ZFHX3: variants seen among roughly 807,000 people sequenced by gnomAD.
The protein encoded by ZFHX3 is zinc finger homeobox protein 3.
Under a neutral mutation model 279.1 loss-of-function variants are expected in ZFHX3, and 42 were observed. The observed-to-expected ratio is 0.15, with a 90% CI of 0.12 to 0.19. The LOEUF (loss-of-function observed/expected upper bound fraction) is 0.19, where lower values mean the gene tolerates loss of function less well. Ranked by LOEUF, ZFHX3 falls within the 10% of genes least tolerant of loss-of-function variation. The probability of loss-of-function intolerance (pLI) is 1.00; values close to 1 mark genes in which losing one functional copy is unlikely to be tolerated. For missense variants in ZFHX3, 4,981 were observed against 4,754.0 expected (o/e 1.05, Z -1.40); for synonymous variants, 2,293 against 1,957.8 (o/e 1.17, Z -4.52).
chr16:72,984,949 A>G (rs1296196196), intron 1 of ZFHX3, among the ~76,000 whole-genome samples: 2 of 152,196 alleles, frequency 1.3e-5, no homozygotes, highest in Non-Finnish European at 2.9e-5. Context: ...ACATATACAC[A>G]TACATCTCTC....
intron 1 of ZFHX3, among the ~76,000 whole-genome samples, chr16:73,788,034 C>G (rs557329786): frequency 6.6e-6 from 1 of 152,186 alleles, no homozygotes; most frequent in South Asian, 2.1e-4. Flanking sequence ...CCAGAAGGAA[C>G]AGTGGAGCAC....
At chr16:73,851,042 T>C (rs1961582821) in intron 1 of ZFHX3, among the ~76,000 whole-genome samples, 1 of 152,228 alleles carries the variant, frequency 6.6e-6, no homozygotes, top group Admixed American at 6.5e-5. Flanking sequence ...TTAAAATATA[T>C]TGTGATTAAG....
chr16:73,535,521 G>A (rs1156286894), intron 2 of ZFHX3, among the ~76,000 whole-genome samples: 1 of 152,160 alleles, frequency 6.6e-6, no homozygotes, highest in Non-Finnish European at 1.5e-5. Flanking sequence ...GGAGTATGAA[G>A]TTGGGAACTG....
intron 1 of ZFHX3, 100 bp from the exon 2 acceptor site, chr16:72,960,294 C>T (rs913175320): frequency 2.5e-5 from 24 of 963,608 alleles, no homozygotes; most frequent in East Asian, 5.4e-5. Context: ...CCGCACGGAG[C>T]GCTCTAAGAG....
In ZFHX3 at chr16:73,457,287, G is replaced by C. The variant is rs190135926; in HGVS notation, c.-1546-1029C>G. 1.1e-4 allele frequency among the ~76,000 whole-genome samples: 16 copies of C among 152,290 alleles called. No individual in the cohort carries two copies. The East Asian group carries it at 3.1e-3, about 29-fold the overall frequency. ...AGGCCCCCATGAAAGAGAAAATGCT[G>C]GCATCAGGAATGGAGACCATGAGGT... On this transcript the variant is annotated intron_variant, in intron 2 of 17. Transcript: ENST00000641206.
chr16:73,255,256 A>C (rs2013631565), intron 5 of ZFHX3, among the ~76,000 whole-genome samples: 1 of 152,244 alleles, frequency 6.6e-6, no homozygotes, highest in African/African-American at 2.4e-5. Flanking sequence ...AATGATAACA[A>C]GCCAGTGAAC....
intron 5 of ZFHX3, among the ~76,000 whole-genome samples, chr16:72,818,928 T>A (rs1217128264): frequency 6.6e-6 from 1 of 152,260 alleles, no homozygotes; most frequent in Non-Finnish European, 1.5e-5. Flanking sequence ...GAAAATTTGA[T>A]TTATACTACA....
intron 1 of ZFHX3, among the ~76,000 whole-genome samples, chr16:73,766,947 TTTTTC>T (rs1212753015): frequency 7.7e-4 from 103 of 133,490 alleles, no homozygotes; most frequent in African/African-American, 2.9e-3. Context: ...TTTTTTTTTT[TTTTTC>T]CGAGATGGAG....
intron 7 of ZFHX3, among the ~76,000 whole-genome samples, chr16:73,122,657 A>G (rs1251928879): frequency 2.0e-5 from 3 of 152,100 alleles, no homozygotes; most frequent in Admixed American, 6.5e-5. Flanking sequence ...AGCCCTTCCT[A>G]GCATCCTGTT....
chr16:73,735,382 TAA>T (rs1310717929), intron 1 of ZFHX3, among the ~76,000 whole-genome samples: 1,028 of 102,228 alleles, frequency 0.01, 14 homozygotes, highest in African/African-American at 0.033. Context: ...TGTGTGCTTC[TAA>T]AAAAAAAAAA....
At chr16:73,366,081 AG>A (rs1363175848) in intron 3 of ZFHX3, among the ~76,000 whole-genome samples, 2 of 152,288 alleles carry the variant, frequency 1.3e-5, no homozygotes, top group South Asian at 2.1e-4. Context: ...GTTAGATGCA[AG>A]AACATTTAAA....
intron 1 of ZFHX3, among the ~76,000 whole-genome samples, chr16:72,991,087 C>A (rs1295478362): frequency 3.7e-5 from 1 of 26,720 alleles, no homozygotes; most frequent in African/African-American, 9.8e-5. Flanking sequence ...TATAGTATAG[C>A]AGTCCCTTAT....
chr16:73,850,179 C>T (rs540007300), intron 1 of ZFHX3, among the ~76,000 whole-genome samples: 140 of 152,276 alleles, frequency 9.2e-4, no homozygotes, highest in African/African-American at 3.1e-3. Context: ...AGAGGTAGAG[C>T]AACATACTTT....
intron 5 of ZFHX3, among the ~76,000 whole-genome samples, chr16:73,250,578 G>C (rs1394547843): frequency 6.6e-6 from 1 of 152,042 alleles, no homozygotes; most frequent in Admixed American, 6.6e-5. Flanking sequence ...CTGTCACCCA[G>C]GCTGGGGTGC....
intron 4 of ZFHX3, among the ~76,000 whole-genome samples, chr16:72,882,025 G>A (rs2038488041): frequency 1.3e-5 from 2 of 152,164 alleles, no homozygotes; most frequent in Admixed American, 6.5e-5. Context: ...CCATGTCACT[G>A]GGCTCTGATG....
chr16:73,875,003 C>A (rs1437009235), intron 1 of ZFHX3, among the ~76,000 whole-genome samples: 2 of 152,142 alleles, frequency 1.3e-5, no homozygotes, highest in Admixed American at 1.3e-4. Flanking sequence ...GGTGAAGTCT[C>A]AACTGCTAGT....
intron 1 of ZFHX3, among the ~76,000 whole-genome samples, chr16:73,020,360 C>T (rs1020183246): frequency 6.6e-6 from 1 of 151,970 alleles, no homozygotes; most frequent in African/African-American, 2.4e-5. Flanking sequence ...ATCACACTAT[C>T]AAAAAGTAAA....
intron 5 of ZFHX3, among the ~76,000 whole-genome samples, chr16:73,247,790 T>C (rs1567429610): frequency 1.3e-5 from 2 of 152,276 alleles, no homozygotes; most frequent in East Asian, 1.9e-4. Context: ...TGTGTCTGTG[T>C]ATATGTGTTT....
At chr16:73,330,006 G>A (rs1002079879) in intron 3 of ZFHX3, among the ~76,000 whole-genome samples, 1 of 152,170 alleles carries the variant, frequency 6.6e-6, no homozygotes, top group African/African-American at 2.4e-5. Context: ...GTCATGATTA[G>A]GGCTGGGCTG....
Sources: gnomAD v4.1 joint callset for allele counts (sites outside exome capture counted in the v4.1 genomes callset) on GRCh38, gnomAD v4.1.1 for gene constraint, MANE v1.5 for transcripts, NCBI Gene and HGNC (gene_info 2026-07-23, HGNC 2026-07-21) for gene names.